Variants in RNF115 observed in about 807,000 individuals in gnomAD.
RNF115 encodes E3 ubiquitin-protein ligase RNF115.
A neutral mutation model predicts 39.2 loss-of-function variants in RNF115; 31 were observed. The ratio of observed to expected loss-of-function variants is 0.79; its 90% CI spans 0.59 to 1.07. RNF115 has a LOEUF of 1.07. Ranked by LOEUF, RNF115 falls within the 50% of genes least tolerant of loss-of-function variation. The pLI, the probability that RNF115 is intolerant of heterozygous loss-of-function variation, is 0.00. For missense variants in RNF115, 384 were observed against 381.7 expected (o/e 1.01, Z -0.05); for synonymous variants, 124 against 131.0 (o/e 0.95, Z 0.37).
Position 145,751,449 on chromosome 1 carries a change from T to C in RNF115, c.562A>G (p.Ile188Val). ...AGGCAGCTCCTCACCTGGGTTACAA[T>C]GGCATCAAGCCCTGTCTGACCCCAG... ...YAWGQTGLDA[I>V]VTQLLGQLEN... The change falls in exon 6 of 9, where the codon ATT becomes GTT. Residue 188 changes from isoleucine to valine, a missense_variant. Physicochemically the swap from Ile to Val is conservative, Grantham distance 29. Coordinates refer to ENST00000582693, the MANE Select transcript of RNF115 (RefSeq NM_014455.4). 6.3e-7 allele frequency: 1 copy of C among 1,585,970 alleles called. No individual in the cohort carries two copies. The highest frequency in any genetic ancestry group is 8.6e-7 in the Non-Finnish European group (1 of 1,165,438).
intron 6 of RNF115, 39 bp from the exon 7 acceptor site, chr1:145,750,539 A>G (rs782688757): frequency 2.0e-6 from 3 of 1,499,278 alleles, no homozygotes; most frequent in East Asian, 2.3e-5. Flanking sequence ...AGTGGCAGAC[A>G]TCGCAATATC....
In RNF115 at chr1:145,823,714, G is replaced by A. The variant is rs144773990; in HGVS notation, c.102+58C>T. 5.0e-3 allele frequency: 6,694 copies of A among 1,328,832 alleles called. 303 individuals carry two copies. The African/African-American group carries it at 0.089, about 18-fold the overall frequency. The allele number at this position is 1,328,832 out of a possible 1,614,324, so 82.3% of individuals were successfully genotyped here. On this transcript the variant is annotated intron_variant, in intron 1 of 8. Transcript: ENST00000582693. ...GCAGAAAGCTCCAGACCCAGTTCCGGGAAATCGGGGCCAGGAATCTATGAG... is the reference window on the plus strand; with the variant it reads ...GCAGAAAGCTCCAGACCCAGTTCCGAGAAATCGGGGCCAGGAATCTATGAG...
rs1650433142 is a variant in RNF115 at position 145,823,779 on chromosome 1, T to C, written c.95A>G (p.Lys32Arg). ...CHFCKGEVSP[K>R]LPEYICPRCE... is the part of the protein sequence containing the mutation. ...AGAACACAGCGCTCTTACCGGTAGT[T>C]TGGGGCTGACCTCGCCCTTGCAAAA... Residue 32 changes from lysine to arginine, a missense_variant, in exon 1 of 9, where the codon AAA (lysine) becomes AGA (arginine). Physicochemically the swap from Lys to Arg is conservative, Grantham distance 26 (BLOSUM62 2). Transcript: ENST00000582693. 3.8e-6 allele frequency: 6 copies of C among 1,578,578 alleles called. No individual in the cohort carries two copies. Among genetic ancestry groups the C allele is most frequent in the East Asian group, 2.5e-5 (1 of 40,294 alleles).
chr1:145,802,462 A>G (rs1029520257), intron 1 of RNF115, among the ~76,000 whole-genome samples: 9 of 152,230 alleles, frequency 5.9e-5, no homozygotes, highest in Non-Finnish European at 1.3e-4. Context: ...GGAGCTACAA[A>G]TTCAGACCTA....
rs1012966548 is a variant in RNF115, at chr1:145,761,818, C to T, written c.429-8769G>A. 5.9e-5 allele frequency among the ~76,000 whole-genome samples: 9 copies of T among 152,182 alleles called. No homozygotes were observed. The East Asian group carries it at 7.7e-4, about 13-fold the overall frequency. ...GATCCACTGACAGCTTGCACCAATG[C>T]GCCTGGAAAAGCCACAGACACTCAA... On this transcript the variant is annotated intron_variant, in intron 4 of 8. Transcript: ENST00000582693.
At chr1:145,806,649 G>C (rs147777845) in intron 1 of RNF115, among the ~76,000 whole-genome samples, 1 of 152,254 alleles carries the variant, frequency 6.6e-6, no homozygotes, top group East Asian at 1.9e-4. Context: ...TTGTTTAAAA[G>C]AGTGTGGTAC....
intron 1 of RNF115, among the ~76,000 whole-genome samples, chr1:145,808,615 C>G (rs960189141): frequency 3.4e-4 from 52 of 152,122 alleles, no homozygotes; most frequent in Admixed American, 3.4e-3. Flanking sequence ...TTGCTGTTTG[C>G]CTTTTACATG....
rs587766075 is a variant in RNF115, at chr1:145,754,113, C to T, written c.429-1064G>A. Among the ~76,000 whole-genome samples, 15 of 152,320 alleles carry T rather than the reference C, an allele frequency of 9.8e-5. No homozygotes were observed. The South Asian group carries it at 2.9e-3, about 29-fold the overall frequency. ...GACTTTCCCTGCTACTAAAGTTCAACAGCAGCTAACTACACTATTCCGTTT... is the reference window on the plus strand; with the variant it reads ...GACTTTCCCTGCTACTAAAGTTCAATAGCAGCTAACTACACTATTCCGTTT... On this transcript the variant is annotated intron_variant, in intron 4 of 8. Transcript: ENST00000582693.
intron 4 of RNF115, among the ~76,000 whole-genome samples, chr1:145,765,330 ACTTG>A (rs1658728228): frequency 2.0e-5 from 3 of 151,986 alleles, no homozygotes; most frequent in Admixed American, 6.6e-5. Flanking sequence ...ACCTTTGTTC[ACTTG>A]CTTATCTGCT....
At chr1:145,795,358 A>T (rs587682135) in intron 1 of RNF115, among the ~76,000 whole-genome samples, 2 of 152,168 alleles carry the variant, frequency 1.3e-5, no homozygotes, top group South Asian at 4.1e-4. Context: ...GAAGGGACCC[A>T]AGCTGCTTGC....
chr1:145,784,436 C>A, intron 3 of RNF115, 103 bp downstream of exon 3: 1 of 1,021,286 alleles, frequency 9.8e-7, no homozygotes, highest in African/African-American at 1.6e-5. Context: ...CTTATACATT[C>A]AGTTAAACTC....
chr1:145,757,068 T>A (rs1658326330), intron 4 of RNF115, among the ~76,000 whole-genome samples: 1 of 152,010 alleles, frequency 6.6e-6, no homozygotes, highest in African/African-American at 2.4e-5. Context: ...ACTTCTGACC[T>A]CAGGTGATCC....
chr1:145,751,417 C>T lies in RNF115; in HGVS notation c.573+21G>A, dbSNP rs191599683. On this transcript the variant is annotated intron_variant, in intron 6 of 8. Transcript: ENST00000582693. ...ACCATGAGACACACTGAACAGACAC[C>T]CTCAAAAGGCAGCTCCTCACCTGGG... 33 of 1,543,128 alleles carry T rather than the reference C, an allele frequency of 2.1e-5. No individual in the cohort carries two copies. In the Admixed American group the frequency reaches 6.1e-4, roughly 28 times the overall value.
intron 1 of RNF115, among the ~76,000 whole-genome samples, chr1:145,822,670 C>T (rs1399663851): frequency 1.3e-5 from 2 of 151,156 alleles, no homozygotes; most frequent in South Asian, 2.1e-4. Context: ...GATTGACATT[C>T]ACTCTGGGGG....
intron 1 of RNF115, among the ~76,000 whole-genome samples, chr1:145,815,607 C>G (rs1159037205): frequency 6.6e-6 from 1 of 151,754 alleles, no homozygotes; most frequent in African/African-American, 2.4e-5. Flanking sequence ...CATTCATCAT[C>G]AATGTAGCAC....
intron 1 of RNF115, among the ~76,000 whole-genome samples, chr1:145,801,688 C>G (rs1370149109): frequency 6.6e-6 from 1 of 152,216 alleles, no homozygotes; most frequent in Admixed American, 6.5e-5. Context: ...ACAAACCTCT[C>G]CCCAAAATAT....
intron 7 of RNF115, among the ~76,000 whole-genome samples, chr1:145,748,356 T>C (rs920807271): frequency 6.6e-5 from 10 of 152,156 alleles, no homozygotes; most frequent in African/African-American, 2.4e-4. Context: ...AAGGCCTATA[T>C]AGGAACTATA....
At chr1:145,756,219 G>C (rs1658288235) in intron 4 of RNF115, among the ~76,000 whole-genome samples, 2 of 152,120 alleles carry the variant, frequency 1.3e-5, no homozygotes, top group Non-Finnish European at 2.9e-5. Context: ...CCAGCACTTT[G>C]GGAGGTCAAG....
intron 3 of RNF115, among the ~76,000 whole-genome samples, chr1:145,783,854 A>G (rs1397828946): frequency 6.6e-6 from 1 of 152,140 alleles, no homozygotes; most frequent in African/African-American, 2.4e-5. Flanking sequence ...ACACAACTAA[A>G]GAGACTTTAG....
Sources: allele counts gnomAD v4.1 joint callset (sites outside exome capture counted in the v4.1 genomes callset), GRCh38; gene constraint gnomAD v4.1.1; transcripts MANE v1.5; gene names NCBI Gene and HGNC (gene_info 2026-07-23, HGNC 2026-07-21).